Variants in MSH4 observed in about 807,000 individuals in gnomAD.
MSH4 encodes the protein mutS homolog 4.
A neutral mutation model predicts 113.7 loss-of-function variants in MSH4; 106 were observed. The ratio of observed to expected loss-of-function variants is 0.93; its 90% CI spans 0.80 to 1.10. MSH4 has a LOEUF of 1.10. MSH4 is among the 50% of genes least tolerant of loss of function. The probability of loss-of-function intolerance (pLI) is 0.00; values close to 1 mark genes in which losing one functional copy is unlikely to be tolerated. For missense variants in MSH4, 1,061 were observed against 1,093.7 expected, an observed-to-expected ratio of 0.97 and a Z score of 0.42; for synonymous variants, 368 against 380.2, an observed-to-expected ratio of 0.97 and a Z score of 0.37.
At chr1:75,806,855 A>G in intron 2 of MSH4, 126 bp from the exon 3 acceptor site, 2 of 762,254 alleles carry the variant, frequency 2.6e-6, no homozygotes, top group Non-Finnish European at 3.9e-6. Context: ...AATTGAAATA[A>G]GAGGCTAACT....
chr1:75,831,126 AG>A (rs1179209908), intron 7 of MSH4, among the ~76,000 whole-genome samples: 2 of 152,206 alleles, frequency 1.3e-5, no homozygotes, highest in Non-Finnish European at 2.9e-5. Flanking sequence ...CAAAAAAAGC[AG>A]GGGTTGCAAT....
At position 75,860,409 on chromosome 1, in the gene MSH4, C is replaced by T. The variant is rs1394873259; in HGVS notation, c.1231-7105C>T. Among the ~76,000 whole-genome samples, 7 of 152,114 alleles carry T rather than the reference C, an allele frequency of 4.6e-5. 1 individual carries two copies. Among genetic ancestry groups the T allele is most frequent in the Non-Finnish European group, 1.0e-4 (7 of 68,022 alleles). ...TTTGCAGTGGTTGGTACTGGTTATT[C>T]CTATCCATGTTTAGTGCTTCCTGCA... On this transcript the variant is annotated intron_variant, in intron 8 of 19. Coordinates refer to ENST00000263187, the MANE Select transcript of MSH4 (RefSeq NM_002440.4).
intron 7 of MSH4, among the ~76,000 whole-genome samples, chr1:75,847,555 G>C (rs1207702683): frequency 6.6e-6 from 1 of 152,150 alleles, no homozygotes; most frequent in Non-Finnish European, 1.5e-5. Flanking sequence ...CTGAGGCTGG[G>C]TAATTTACGA....
chr1:75,910,493 A>G (rs1652765840), intron 19 of MSH4, among the ~76,000 whole-genome samples: 1 of 151,468 alleles, frequency 6.6e-6, no homozygotes, highest in African/African-American at 2.4e-5. Context: ...GGTTTTTAAC[A>G]AATTCCTGGG....
chr1:75,830,005 T>C (rs1374913037), intron 7 of MSH4, among the ~76,000 whole-genome samples: 1 of 152,058 alleles, frequency 6.6e-6, no homozygotes, highest in Non-Finnish European at 1.5e-5. Flanking sequence ...TAAAGGAGGA[T>C]GGTCGAACCC....
chr1:75,849,140 CA>C (rs1651136622), intron 8 of MSH4, among the ~76,000 whole-genome samples: 1 of 152,092 alleles, frequency 6.6e-6, no homozygotes, highest in South Asian at 2.1e-4. Flanking sequence ...CCATGTTGGC[CA>C]GGCTGATCTC....
At chr1:75,810,965 G>A (rs897089330) in intron 4 of MSH4, among the ~76,000 whole-genome samples, 158 bp downstream of exon 4, 3 of 152,026 alleles carry the variant, frequency 2.0e-5, no homozygotes, top group African/African-American at 7.2e-5. Flanking sequence ...TCCAGCTCCC[G>A]AGTTCGAGTG....
intron 9 of MSH4, among the ~76,000 whole-genome samples, chr1:75,871,529 C>T (rs958830878): frequency 1.3e-5 from 2 of 152,056 alleles, no homozygotes; most frequent in African/African-American, 4.8e-5. Flanking sequence ...AAAGCAATAC[C>T]AATTAAAACC....
At chr1:75,801,321 T>A (rs1649929687) in intron 1 of MSH4, among the ~76,000 whole-genome samples, 1 of 152,104 alleles carries the variant, frequency 6.6e-6, no homozygotes, top group Non-Finnish European at 1.5e-5. Flanking sequence ...TCCCAGCACT[T>A]TGGGAGGCTG....
intron 8 of MSH4, among the ~76,000 whole-genome samples, chr1:75,858,123 G>T (rs191610075): frequency 6.6e-6 from 1 of 152,222 alleles, no homozygotes; most frequent in Non-Finnish European, 1.5e-5. Context: ...TTTGTGTCCA[G>T]AGAATTTGCT....
intron 19 of MSH4, among the ~76,000 whole-genome samples, chr1:75,900,979 A>G (rs1010605153): frequency 6.6e-6 from 1 of 152,120 alleles, no homozygotes; most frequent in African/African-American, 2.4e-5. Context: ...GCAAATTCAT[A>G]TATTCTGATT....
intron 9 of MSH4, among the ~76,000 whole-genome samples, chr1:75,868,724 T>C (rs1651644524): frequency 1.3e-5 from 2 of 152,210 alleles, no homozygotes; most frequent in Admixed American, 1.3e-4. Context: ...TCACAAGGTC[T>C]GATGGTTTTA....
intron 16 of MSH4, among the ~76,000 whole-genome samples, chr1:75,889,757 C>T (rs1652210737): frequency 6.6e-6 from 1 of 152,048 alleles, no homozygotes; most frequent in Non-Finnish European, 1.5e-5. Flanking sequence ...TCATCCTCTT[C>T]TTTGTTCTCA....
intron 12 of MSH4, among the ~76,000 whole-genome samples, chr1:75,879,597 G>A (rs776459885): frequency 6.6e-6 from 1 of 152,022 alleles, no homozygotes; most frequent in Non-Finnish European, 1.5e-5. Flanking sequence ...TATCTGCTTA[G>A]GGGGTACTTT....
Position 75,910,912 on chromosome 1 carries a change from A to G in MSH4, c.2620-1784A>G, listed in dbSNP as rs78200508. On this transcript the variant is annotated intron_variant, in intron 19 of 19. Transcript: ENST00000263187. ...TGCAGTAAGTTCTCTCTCTCTCTCA[A>G]TCTATTTATATACACTTCTACCAGA... Among the ~76,000 whole-genome samples the G allele has an allele frequency of 3.4e-3, 513 of 151,894 alleles. 5 individuals are homozygous for G. The highest frequency in any genetic ancestry group is 3.6e-3 in the Non-Finnish European group (245 of 67,942).
At chr1:75,895,261 TAAAG>T (rs1206293762) in intron 17 of MSH4, among the ~76,000 whole-genome samples, 2 of 152,128 alleles carry the variant, frequency 1.3e-5, no homozygotes, top group African/African-American at 4.8e-5. Context: ...CACAATGCAA[TAAAG>T]AAAGAATATG....
intron 1 of MSH4, among the ~76,000 whole-genome samples, chr1:75,800,937 G>C (rs1241979281): frequency 7.1e-6 from 1 of 141,302 alleles, no homozygotes; most frequent in African/African-American, 2.4e-5. Context: ...TGTTGCTAGT[G>C]TGACTGAGGA....
At chr1:75,830,124 G>A (rs114043673) in intron 7 of MSH4, among the ~76,000 whole-genome samples, 1 of 152,074 alleles carries the variant, frequency 6.6e-6, no homozygotes, top group Non-Finnish European at 1.5e-5. Flanking sequence ...ACCGTGGCAC[G>A]AGAACTTCTT....
In MSH4 at chr1:75,900,895, A is replaced by G. The variant is rs960206928; in HGVS notation, c.2619+1189A>G. On this transcript the variant is annotated intron_variant, in intron 19 of 19. Transcript: ENST00000263187. ...CATTTCAATTATGGACCACCTCTCT[A>G]CTAGCCTTCTAGTAGGCTTTGATTC... Among the ~76,000 whole-genome samples, 2 of 152,170 alleles carry G rather than the reference A, an allele frequency of 1.3e-5. 1 individual carries two copies. The highest frequency in any genetic ancestry group is 4.1e-4 in the South Asian group (2 of 4,824).
Sources: allele counts gnomAD v4.1 joint callset (sites outside exome capture counted in the v4.1 genomes callset), GRCh38; gene constraint gnomAD v4.1.1; transcripts MANE v1.5; gene names NCBI Gene and HGNC (gene_info 2026-07-23, HGNC 2026-07-21).